NRG1: variants seen among roughly 807,000 people sequenced by gnomAD.
The protein encoded by NRG1 is neuregulin 1.
In NRG1, 18 loss-of-function variants were observed where a neutral mutation model predicts 63.8. The ratio of observed to expected loss-of-function variants is 0.28; its 90% CI spans 0.19 to 0.42. NRG1 has a LOEUF of 0.42. Among genes scored for constraint, NRG1 ranks in the 10% least tolerant of loss-of-function variants. NRG1 has a pLI of 1.00. For missense variants in NRG1, 762 were observed against 814.7 expected, an observed-to-expected ratio of 0.94 and a Z score of 0.79; for synonymous variants, 302 against 301.3, an observed-to-expected ratio of 1.00 and a Z score of -0.02.
intron 1 of NRG1, among the ~76,000 whole-genome samples, chr8:32,197,991 C>A (rs1843128869): frequency 6.6e-6 from 1 of 152,184 alleles, no homozygotes; most frequent in Non-Finnish European, 1.5e-5. Context: ...CACACACACA[C>A]ACACACCATC....
intron 1 of NRG1, among the ~76,000 whole-genome samples, chr8:32,299,552 A>G (rs1855344948): frequency 6.6e-6 from 1 of 152,094 alleles, no homozygotes; most frequent in Non-Finnish European, 1.5e-5. Flanking sequence ...AAAAATAATA[A>G]TTTCGCTCCC....
chr8:32,336,107 G>A (rs1803232532), intron 1 of NRG1, among the ~76,000 whole-genome samples: 1 of 152,144 alleles, frequency 6.6e-6, no homozygotes, highest in Admixed American at 6.5e-5. Flanking sequence ...ACACCCACAG[G>A]GTCAGACTTC....
chr8:32,458,208 G>A (rs1471080495), intron 1 of NRG1, among the ~76,000 whole-genome samples: 1 of 152,104 alleles, frequency 6.6e-6, no homozygotes, highest in African/African-American at 2.4e-5. Context: ...GAGCCACTGT[G>A]CCCGGCCTCA....
intron 1 of NRG1, among the ~76,000 whole-genome samples, chr8:32,050,108 A>G (rs1387521112): frequency 6.6e-6 from 1 of 152,186 alleles, no homozygotes; most frequent in Non-Finnish European, 1.5e-5. Flanking sequence ...AAATAAGGTT[A>G]TTTGTATAAA....
chr8:32,566,019 C>G (rs13258892), intron 1 of NRG1, among the ~76,000 whole-genome samples: 3 of 151,880 alleles, frequency 2.0e-5, no homozygotes, highest in African/African-American at 2.4e-5. Flanking sequence ...AGAAACCTGT[C>G]GGTAGACTCA....
intron 1 of NRG1, among the ~76,000 whole-genome samples, chr8:31,667,954 C>A (rs893904213): frequency 6.6e-6 from 1 of 151,970 alleles, no homozygotes; most frequent in Admixed American, 6.6e-5. Context: ...GGGATATTGG[C>A]TCAGCAATAA....
intron 1 of NRG1, among the ~76,000 whole-genome samples, chr8:32,130,585 A>G (rs1046895175): frequency 2.0e-5 from 3 of 151,950 alleles, no homozygotes; most frequent in Non-Finnish European, 2.9e-5. Context: ...GGAACCAGGC[A>G]TAAATTATCT....
chr8:32,385,692 A>G (rs142961172), intron 1 of NRG1, among the ~76,000 whole-genome samples: 2 of 152,252 alleles, frequency 1.3e-5, no homozygotes, highest in Non-Finnish European at 2.9e-5. Flanking sequence ...AAACCAGTCA[A>G]GAGAAACCAC....
At chr8:32,065,357 C>T (rs561535910) in intron 1 of NRG1, among the ~76,000 whole-genome samples, 3 of 152,154 alleles carry the variant, frequency 2.0e-5, no homozygotes, top group Non-Finnish European at 4.4e-5. Context: ...TTCCCCCTCC[C>T]ACCACCCCAC....
At chr8:32,331,022 A>G (rs1802577359) in intron 1 of NRG1, among the ~76,000 whole-genome samples, 1 of 151,772 alleles carries the variant, frequency 6.6e-6, no homozygotes, top group African/African-American at 2.4e-5. Flanking sequence ...CTAGTATGAG[A>G]GTTTCTATTA....
At chr8:31,791,555 T>G (rs1820714045) in intron 1 of NRG1, among the ~76,000 whole-genome samples, 1 of 152,214 alleles carries the variant, frequency 6.6e-6, no homozygotes, top group African/African-American at 2.4e-5. Context: ...CTATCTAATG[T>G]ATTCTGTTCT....
chr8:32,058,275 ATATAAAGGCTATT>A (rs1277693916), intron 1 of NRG1, among the ~76,000 whole-genome samples: 4 of 152,104 alleles, frequency 2.6e-5, no homozygotes, highest in African/African-American at 9.7e-5. Context: ...ACATGGCTGT[ATATAAAGGCTATT>A]TATAAAGCCC....
chr8:32,595,906 G>C, exon 2 of NRG1: 5 of 1,613,696 alleles, frequency 3.1e-6, no homozygotes, highest in African/African-American at 1.3e-5. Flanking sequence ...TGTGAAACCA[G>C]TTCTGAATAC....
intron 1 of NRG1, among the ~76,000 whole-genome samples, chr8:32,251,754 G>A (rs1181694817): frequency 1.3e-5 from 2 of 152,134 alleles, no homozygotes; most frequent in Non-Finnish European, 2.9e-5. Context: ...TCAAACCGGC[G>A]TGAGATGGTA....
chr8:32,634,065 G>A (rs1850833916), intron 5 of NRG1, among the ~76,000 whole-genome samples: 1 of 137,526 alleles, frequency 7.3e-6, no homozygotes, highest in Non-Finnish European at 1.5e-5. Context: ...GATCACTTGA[G>A]CCCAGGAGTT....
At chr8:32,455,212 T>C (rs987114386) in intron 1 of NRG1, among the ~76,000 whole-genome samples, 1 of 152,174 alleles carries the variant, frequency 6.6e-6, no homozygotes, top group African/African-American at 2.4e-5. Context: ...TATAGCATCA[T>C]TGGCCAGAAG....
intron 5 of NRG1, among the ~76,000 whole-genome samples, chr8:32,633,217 C>A (rs927234729): frequency 6.6e-6 from 1 of 152,052 alleles, no homozygotes; most frequent in Non-Finnish European, 1.5e-5. Context: ...TTAATGCTTT[C>A]TTTTATTTAT....
At chr8:32,179,352 G>T (rs564455766) in intron 1 of NRG1, among the ~76,000 whole-genome samples, 1 of 152,062 alleles carries the variant, frequency 6.6e-6, no homozygotes, top group Non-Finnish European at 1.5e-5. Context: ...GTAGCAATAC[G>T]TTTCTGCCTA....
intron 1 of NRG1, among the ~76,000 whole-genome samples, chr8:32,153,585 C>T (rs1837739841): frequency 6.6e-6 from 1 of 152,128 alleles, no homozygotes; most frequent in Non-Finnish European, 1.5e-5. Flanking sequence ...TAGTCTATGG[C>T]CATATCACTG....
Sources: gnomAD v4.1 joint callset for allele counts (sites outside exome capture counted in the v4.1 genomes callset) on GRCh38, gnomAD v4.1.1 for gene constraint, MANE v1.5 for transcripts, NCBI Gene and HGNC (gene_info 2026-07-23, HGNC 2026-07-21) for gene names.